Variants in DAPK1 observed in about 807,000 individuals in gnomAD.
The protein encoded by DAPK1 is death associated protein kinase 1.
DAPK1 carries 56 observed loss-of-function variants against 144.9 expected under a neutral mutation model. That is an observed-to-expected ratio of 0.39 (90% CI 0.31 to 0.48). DAPK1 has a LOEUF of 0.48. Ranked by LOEUF, DAPK1 falls within the 20% of genes least tolerant of loss-of-function variation. The pLI is 0.95. For missense variants in DAPK1, 1,454 were observed against 1,875.4 expected (o/e 0.78, Z 4.15); for synonymous variants, 690 against 749.0 (o/e 0.92, Z 1.29).
In DAPK1 at chr9:87,639,692, A is replaced by T. The variant is rs1830029112; in HGVS notation, c.596A>T (p.Asp199Val). 1 of 1,613,960 alleles carries T rather than the reference A, an allele frequency of 6.2e-7. No homozygotes were observed. The highest frequency in any genetic ancestry group is 8.5e-7 in the Non-Finnish European group (1 of 1,179,982). The change falls in exon 6 of 26, where the codon GAT becomes GTT. Residue 199 changes from aspartate to valine, a missense_variant. Physicochemically the swap from Asp to Val is radical, Grantham distance 152. This residue lies in a region of DAPK1 where 429 missense variants were observed against 637.5 expected (regional missense o/e 0.67). Transcript: ENST00000408954. ...VNYEPLGLEA[D>V]MWSIGVITYI... is the part of the protein sequence containing the mutation. Reference sequence around the variant, plus strand: ...TATGAACCTCTTGGTCTTGAGGCAGATATGTGGTAAGGAGTATGTCCTTGG... The same window carrying T: ...TATGAACCTCTTGGTCTTGAGGCAGTTATGTGGTAAGGAGTATGTCCTTGG...
At chr9:87,571,894 G>C (rs1005530606) in intron 2 of DAPK1, among the ~76,000 whole-genome samples, 7 of 152,198 alleles carry the variant, frequency 4.6e-5, no homozygotes, top group African/African-American at 1.7e-4. Context: ...CTTGCTGTTG[G>C]CTTGAGCCAG....
chr9:87,700,045 G>C (rs1825406770), intron 23 of DAPK1, 72 bp from the exon 24 acceptor site: 4 of 1,308,922 alleles, frequency 3.1e-6, no homozygotes, highest in Non-Finnish European at 4.4e-6. Context: ...GAGCCAGTAG[G>C]AGCCTGGCCC....
At chr9:87,559,598 G>A (rs888693752) in intron 2 of DAPK1, among the ~76,000 whole-genome samples, 1 of 152,206 alleles carries the variant, frequency 6.6e-6, no homozygotes, top group African/African-American at 2.4e-5. Flanking sequence ...AAAGCAGGAT[G>A]TAGGACGCCT....
chr9:87,691,228 A>G (rs542780620), intron 21 of DAPK1, among the ~76,000 whole-genome samples: 3 of 151,976 alleles, frequency 2.0e-5, no homozygotes, highest in South Asian at 2.1e-4. Flanking sequence ...ATCTTTGTAA[A>G]TTATCTGTCT....
Position 87,700,055 on chromosome 9 carries a change from C to G in DAPK1, c.2751-62C>G, listed in dbSNP as rs1377062985. On this transcript the variant is annotated intron_variant, in intron 23 of 25. Coordinates refer to ENST00000408954, the MANE Select transcript of DAPK1 (RefSeq NM_004938.4). Reference sequence around the variant, plus strand: ...CTCTTGAGCCAGTAGGAGCCTGGCCCCTCCATTAAAAGGCCTGGGGACATT... The same window carrying G: ...CTCTTGAGCCAGTAGGAGCCTGGCCGCTCCATTAAAAGGCCTGGGGACATT... 3.4e-6 allele frequency: 5 copies of G among 1,453,122 alleles called. No homozygotes were observed. The Admixed American group carries it at 8.6e-5, about 25-fold the overall frequency. 90.0% of individuals were successfully genotyped at this position (1,453,122 alleles called of 1,614,324 possible). A position where few individuals can be genotyped will look rare whatever the true frequency, so the allele number is the denominator to read the frequency against.
chr9:87,674,565 A>G (rs1824295842), intron 19 of DAPK1, among the ~76,000 whole-genome samples: 1 of 151,380 alleles, frequency 6.6e-6, no homozygotes, highest in African/African-American at 2.4e-5. Context: ...TAAACCTAAG[A>G]CCCAACAGTG....
chr9:87,567,158 T>C (rs1016720408), intron 2 of DAPK1, among the ~76,000 whole-genome samples: 13 of 152,190 alleles, frequency 8.5e-5, no homozygotes, highest in African/African-American at 3.1e-4. Context: ...GGCAAAGTCA[T>C]GGGAACCTGG....
chr9:87,602,799 A>G (rs866675900), intron 2 of DAPK1, among the ~76,000 whole-genome samples: 12 of 151,714 alleles, frequency 7.9e-5, no homozygotes, highest in African/African-American at 2.9e-4. Flanking sequence ...ACACCTGGCT[A>G]ATTTTTGTAT....
Position 87,686,774 on chromosome 9 carries a change from G to T in DAPK1, c.2413+35G>T. The T allele has an allele frequency of 6.6e-7, 1 of 1,523,118 alleles. No homozygotes were observed. Among genetic ancestry groups the T allele is most frequent in the East Asian group, 2.3e-5 (1 of 43,874 alleles). 94.4% of individuals were successfully genotyped at this position (1,523,118 alleles called of 1,614,324 possible). ...GCCTGCCCCAAGGGAAGGACCTCAG[G>T]TTTCCCTTCAACAGGGTTGTAAGTC... On this transcript the variant is annotated intron_variant, in intron 21 of 25. Transcript: ENST00000408954. This position sits in a 1 kb window ranked among gnomAD's most constrained non-coding sequence, Gnocchi z 4.2.
Position 87,706,590 on chromosome 9 carries a change from C to T in DAPK1, c.3519C>T (p.Gly1173=), listed in dbSNP as rs1289493579. Residue 1173 remains glycine, a synonymous_variant, in exon 26 of 26, where the codon GGC becomes GGT. Transcript: ENST00000408954. The surrounding 1 kb of genome is among the most constrained non-coding windows in gnomAD (Gnocchi z 9.0). ...CGGACATCCGCCTGTGGGTGAATGG[C>T]TGCAAGCTGGCCAACCGTGGGGCCG... The part of the protein sequence containing the change: ...GDADIRLWVN[G]CKLANRGAEL... The T allele has an allele frequency of 1.2e-6, 2 of 1,613,686 alleles. No homozygotes were observed. The highest frequency in any genetic ancestry group is 2.7e-5 in the African/African-American group (2 of 74,938).
At chr9:87,538,885 T>A (rs1379510793) in intron 2 of DAPK1, among the ~76,000 whole-genome samples, 1 of 151,906 alleles carries the variant, frequency 6.6e-6, no homozygotes, top group East Asian at 1.9e-4. Context: ...CTGTGATGAA[T>A]CTTTGTGTTT....
At chr9:87,517,135 G>A (rs1447234627) in intron 2 of DAPK1, among the ~76,000 whole-genome samples, 1 of 151,800 alleles carries the variant, frequency 6.6e-6, no homozygotes, top group South Asian at 2.1e-4. Context: ...GGAGAGTGAA[G>A]AATGCGATTG....
chr9:87,640,533 G>T, intron 8 of DAPK1, 83 bp downstream of exon 8: 1 of 1,447,408 alleles, frequency 6.9e-7, no homozygotes, highest in South Asian at 1.3e-5. Context: ...ACAGGGCCAC[G>T]TTCCTCAGAC....
intron 2 of DAPK1, among the ~76,000 whole-genome samples, chr9:87,591,574 A>G (rs1406286682): frequency 2.6e-5 from 4 of 152,218 alleles, no homozygotes; most frequent in African/African-American, 9.7e-5. Context: ...AGTGGTATCA[A>G]TTTTTCAGAA....
chr9:87,614,500 T>TAA (rs1448979605), intron 3 of DAPK1, among the ~76,000 whole-genome samples: 1 of 152,190 alleles, frequency 6.6e-6, no homozygotes, highest in African/African-American at 2.4e-5. Flanking sequence ...ACTAGACTCT[T>TAA]CTGCATCACT....
rs1230355397 is a variant in DAPK1, at chr9:87,707,935, A to G, written c.*571A>G. ...GGGTGTGTTTGAAATCATCGGAGTC[A>G]GCCAGGAGCTGTCACCAAGGAAACG... On this transcript the variant is annotated 3_prime_UTR_variant, in exon 26 of 26. Transcript: ENST00000408954. The surrounding 1 kb of genome is among the most constrained non-coding windows in gnomAD (Gnocchi z 4.0). 2 of 453,314 alleles carry G rather than the reference A, an allele frequency of 4.4e-6. No individual in the cohort carries two copies. Among genetic ancestry groups the G allele is most frequent in the African/African-American group, 4.0e-5 (2 of 49,916 alleles). 28.1% of individuals were successfully genotyped at this position (453,314 alleles called of 1,614,324 possible).
chr9:87,636,927 T>G (rs1251883876), intron 3 of DAPK1, among the ~76,000 whole-genome samples: 1 of 152,172 alleles, frequency 6.6e-6, no homozygotes, highest in Non-Finnish European at 1.5e-5. Flanking sequence ...AAGTTTTGAA[T>G]GCATGCTGTG....
chr9:87,498,753 G>T, intron 1 of DAPK1: 1 of 431,114 alleles, frequency 2.3e-6, no homozygotes, highest in East Asian at 3.2e-5. Flanking sequence ...CGACCTCGGG[G>T]TGCCGTGGTG....
At chr9:87,515,811 C>T (rs1271340432) in intron 2 of DAPK1, among the ~76,000 whole-genome samples, 2 of 152,170 alleles carry the variant, frequency 1.3e-5, no homozygotes, top group Non-Finnish European at 2.9e-5. Flanking sequence ...TGAGCAGGAG[C>T]TGCGGGGCAA....
Sources: allele counts gnomAD v4.1 joint callset (sites outside exome capture counted in the v4.1 genomes callset), GRCh38; gene constraint gnomAD v4.1.1; regional missense constraint gnomAD v4.1.1; non-coding constraint Gnocchi (gnomAD v3.1); transcripts MANE v1.5; gene names NCBI Gene and HGNC (gene_info 2026-07-23, HGNC 2026-07-21).